Variants in PTPRK observed in about 807,000 individuals in gnomAD.
PTPRK encodes protein tyrosine phosphatase receptor type K.
Under a neutral mutation model 178.0 loss-of-function variants are expected in PTPRK, and 75 were observed. The ratio of observed to expected loss-of-function variants is 0.42; its 90% confidence interval spans 0.35 to 0.51. The LOEUF is 0.51. Ranked by LOEUF, PTPRK falls within the 20% of genes least tolerant of loss-of-function variation. The probability of loss-of-function intolerance (pLI) is 0.02; values close to 1 mark genes in which losing one functional copy is unlikely to be tolerated. For synonymous variants in PTPRK, 637 were observed against 620.6 expected (o/e 1.03, Z -0.39); for missense variants, 1,441 against 1,797.8 (o/e 0.80, Z 3.59).
chr6:128,182,347 G>A (rs1382907576), intron 7 of PTPRK, among the ~76,000 whole-genome samples: 3 of 152,002 alleles, frequency 2.0e-5, no homozygotes, highest in Admixed American at 6.6e-5. Context: ...AGGCCGAGGC[G>A]GGCAGATCAC....
At chr6:128,491,887 C>T (rs780286331) in intron 1 of PTPRK, 1 of 480,612 alleles carries the variant, frequency 2.1e-6, no homozygotes, top group South Asian at 1.5e-5. Flanking sequence ...ACAGGCTAAT[C>T]TTCACGGCAG....
At chr6:127,995,225 T>C (rs766432064) in intron 18 of PTPRK, 12 of 1,583,120 alleles carry the variant, frequency 7.6e-6, no homozygotes, top group Non-Finnish European at 9.5e-6. Context: ...TAGGGTGCTG[T>C]TATTTACATA....
At chr6:128,288,504 A>G (rs577362171) in intron 3 of PTPRK, among the ~76,000 whole-genome samples, 25 of 152,250 alleles carry the variant, frequency 1.6e-4, no homozygotes, top group African/African-American at 5.5e-4. Flanking sequence ...GTGATGCTTT[A>G]AGAATGCTCT....
At chr6:128,368,430 G>A (rs1405349622) in intron 2 of PTPRK, among the ~76,000 whole-genome samples, 3 of 151,212 alleles carry the variant, frequency 2.0e-5, no homozygotes, top group Non-Finnish European at 2.9e-5. Context: ...TCTGTGACGA[G>A]GCCAATGACC....
intron 2 of PTPRK, among the ~76,000 whole-genome samples, chr6:128,375,367 C>G (rs1488211129): frequency 6.6e-6 from 1 of 151,688 alleles, no homozygotes; most frequent in South Asian, 2.1e-4. Context: ...ACATGGATGG[C>G]AGCAGGCAAA....
rs1562427185 is a variant in PTPRK at position 128,009,126 on chromosome 6, T to C, written c.2333+4A>G. 2 of 1,607,604 alleles carry C rather than the reference T, an allele frequency of 1.2e-6. No individual in the cohort carries two copies. Among genetic ancestry groups the C allele is most frequent in the Admixed American group, 3.4e-5 (2 of 59,562 alleles). ...GAGTGGGACAGGACAATATTAGGCC[T>C]TACCTCTTTTTTACAATTAATATGA... On this transcript the variant is annotated splice_donor_region_variant and intron_variant, in intron 14 of 29. Coordinates refer to ENST00000368226, the MANE Select transcript of PTPRK (RefSeq NM_002844.4).
chr6:128,517,601 C>T (rs1232401754), intron 1 of PTPRK, among the ~76,000 whole-genome samples: 4 of 152,124 alleles, frequency 2.6e-5, no homozygotes, highest in African/African-American at 9.7e-5. Context: ...TACACTTTAA[C>T]TGCAAAAGCT....
At chr6:128,435,552 C>T (rs1266677582) in intron 1 of PTPRK, among the ~76,000 whole-genome samples, 15 of 152,054 alleles carry the variant, frequency 9.9e-5, no homozygotes, top group Admixed American at 9.2e-4. Context: ...GACCAAGAGT[C>T]GCACAGAACA....
intron 7 of PTPRK, among the ~76,000 whole-genome samples, chr6:128,121,332 T>C (rs1010122673): frequency 6.6e-6 from 1 of 151,904 alleles, no homozygotes; most frequent in Admixed American, 6.6e-5. Flanking sequence ...CCTGGACAGA[T>C]AGCTGCAAGT....
intron 7 of PTPRK, among the ~76,000 whole-genome samples, chr6:128,140,065 C>T (rs1795556337): frequency 6.6e-6 from 1 of 152,022 alleles, no homozygotes; most frequent in Non-Finnish European, 1.5e-5. Flanking sequence ...TGCTATTGCA[C>T]CCCTATCTTG....
intron 3 of PTPRK, among the ~76,000 whole-genome samples, chr6:128,308,470 G>A (rs1826768708): frequency 6.6e-6 from 1 of 151,332 alleles, no homozygotes; most frequent in African/African-American, 2.4e-5. Context: ...GCATTTAGAG[G>A]AATTTTTTTT....
At chr6:128,456,365 A>T (rs1281414058) in intron 1 of PTPRK, among the ~76,000 whole-genome samples, 1 of 152,130 alleles carries the variant, frequency 6.6e-6, no homozygotes, top group Admixed American at 6.6e-5. Flanking sequence ...GGGTTACAGA[A>T]CAAAAAAGTA....
At chr6:128,278,865 G>A (rs1401502079) in intron 3 of PTPRK, among the ~76,000 whole-genome samples, 3 of 152,116 alleles carry the variant, frequency 2.0e-5, no homozygotes, top group East Asian at 1.9e-4. Flanking sequence ...GTTCAAGTTC[G>A]GTTCAAATAC....
At chr6:128,351,240 C>T (rs1216370739) in intron 2 of PTPRK, among the ~76,000 whole-genome samples, 1 of 151,968 alleles carries the variant, frequency 6.6e-6, no homozygotes. Flanking sequence ...GATATAAACA[C>T]GGGAAAAAGA....
At position 128,138,001 on chromosome 6, in the gene PTPRK, A is replaced by T. The variant is rs144908028; in HGVS notation, c.1162+46431T>A. Among the ~76,000 whole-genome samples, 605 of 152,276 alleles carry T rather than the reference A, an allele frequency of 4.0e-3. 5 individuals carry two copies. Among genetic ancestry groups the T allele is most frequent in the African/African-American group, 0.014 (568 of 41,564 alleles). On this transcript the variant is annotated intron_variant, in intron 7 of 29. Transcript: ENST00000368226. ...AAACATCCGGCACATATTTAGAAAG[A>T]CACAGATATTTGACTTACAAAATAT...
intron 2 of PTPRK, among the ~76,000 whole-genome samples, chr6:128,329,592 T>C (rs1830008569): frequency 6.6e-6 from 1 of 152,086 alleles, no homozygotes; most frequent in African/African-American, 2.4e-5. Flanking sequence ...TTGGTGTAAG[T>C]TCCAATCTGA....
At chr6:128,349,551 C>A (rs1318107186) in intron 2 of PTPRK, among the ~76,000 whole-genome samples, 1 of 151,798 alleles carries the variant, frequency 6.6e-6, no homozygotes, top group Non-Finnish European at 1.5e-5. Flanking sequence ...TGCTGTTTTA[C>A]CACCTTAGTT....
At chr6:128,003,167 T>C in intron 15 of PTPRK, 1 of 1,582,270 alleles carries the variant, frequency 6.3e-7, no homozygotes, top group African/African-American at 1.3e-5. Flanking sequence ...ATCCATGCAA[T>C]GAAAAGATGA....
intron 3 of PTPRK, among the ~76,000 whole-genome samples, chr6:128,316,703 CT>C (rs1375686537): frequency 4.1e-5 from 5 of 122,318 alleles, no homozygotes; most frequent in South Asian, 2.8e-4. Flanking sequence ...GGGTTCTAAG[CT>C]TTTTCTTTTT....
Sources: allele counts gnomAD v4.1 joint callset (sites outside exome capture counted in the v4.1 genomes callset), GRCh38; gene constraint gnomAD v4.1.1; transcripts MANE v1.5; gene names NCBI Gene and HGNC (gene_info 2026-07-23, HGNC 2026-07-21).